LPP: variants seen among roughly 807,000 people sequenced by gnomAD.
LPP encodes the protein lipoma-preferred partner.
LPP carries 38 observed loss-of-function variants against 60.4 expected under a neutral mutation model. The observed-to-expected ratio is 0.63, with a 90% CI of 0.49 to 0.83. LPP has a LOEUF of 0.83. LPP is among the 40% of genes least tolerant of loss of function. LPP has a pLI of 0.00. For missense variants in LPP, 902 were observed against 783.6 expected, an observed-to-expected ratio of 1.15 and a Z score of -1.80; for synonymous variants, 328 against 290.8, an observed-to-expected ratio of 1.13 and a Z score of -1.30.
At chr3:188,483,615 G>C (rs1805439067) in intron 4 of LPP, among the ~76,000 whole-genome samples, 1 of 152,122 alleles carries the variant, frequency 6.6e-6, no homozygotes, top group African/African-American at 2.4e-5. Flanking sequence ...GAACCATAAA[G>C]CTCTTGGATA....
intron 1 of LPP, among the ~76,000 whole-genome samples, chr3:188,224,638 G>A (rs1454525402): frequency 6.6e-6 from 1 of 152,162 alleles, no homozygotes; most frequent in Non-Finnish European, 1.5e-5. Flanking sequence ...CTTCTGGGAA[G>A]ACCTCAGGGA....
At chr3:188,260,125 T>C (rs1180721082) in intron 2 of LPP, among the ~76,000 whole-genome samples, 2 of 151,990 alleles carry the variant, frequency 1.3e-5, no homozygotes, top group African/African-American at 4.8e-5. Context: ...CTGCAACCCC[T>C]GCCTCCCAGG....
At chr3:188,367,643 T>C (rs1771613186) in intron 3 of LPP, among the ~76,000 whole-genome samples, 2 of 152,238 alleles carry the variant, frequency 1.3e-5, no homozygotes, top group Non-Finnish European at 2.9e-5. Context: ...TCAGTTGTTA[T>C]ATTCATGGCA....
intron 7 of LPP, among the ~76,000 whole-genome samples, chr3:188,703,601 T>G (rs1376625138): frequency 3.3e-5 from 5 of 152,000 alleles, no homozygotes; most frequent in Admixed American, 3.3e-4. Context: ...ACTTCAGAAA[T>G]ACTGAAAGAA....
At chr3:188,410,040 T>A (rs1479646973) in intron 4 of LPP, among the ~76,000 whole-genome samples, 1 of 152,210 alleles carries the variant, frequency 6.6e-6, no homozygotes, top group Non-Finnish European at 1.5e-5. Context: ...ATGTGTTTTT[T>A]AATAGATTTG....
intron 8 of LPP, chr3:188,710,774 G>C (rs1009265646): frequency 6.6e-6 from 1 of 151,738 alleles, no homozygotes; most frequent in African/African-American, 2.4e-5. Context: ...AAAAAAAACT[G>C]AACATAGATG....
rs928435362 is a variant in LPP, at chr3:188,219,780, C to A, written c.-189-5625C>A. Among the ~76,000 whole-genome samples the A allele has an allele frequency of 3.3e-5, 5 of 152,172 alleles. No individual in the cohort carries two copies. In the East Asian group the frequency reaches 7.7e-4, roughly 23 times the overall value. On this transcript the variant is annotated intron_variant, in intron 1 of 11. Transcript: ENST00000617246. ...TTAAATCAAACACATTTCCTACCAACCCCCAGATATATCTTGCACTTTCTC... is the reference window on the plus strand; with the variant it reads ...TTAAATCAAACACATTTCCTACCAAACCCCAGATATATCTTGCACTTTCTC...
intron 3 of LPP, among the ~76,000 whole-genome samples, chr3:188,361,421 C>G (rs1022599786): frequency 6.7e-6 from 1 of 149,320 alleles, no homozygotes; most frequent in African/African-American, 2.5e-5. Context: ...TCTTTCATTC[C>G]CTTCCTTCCC....
At chr3:188,413,163 A>T (rs1157760747) in intron 4 of LPP, among the ~76,000 whole-genome samples, 2 of 152,098 alleles carry the variant, frequency 1.3e-5, no homozygotes, top group African/African-American at 2.4e-5. Context: ...ATGGATGTCC[A>T]CTTATGGCAT....
intron 2 of LPP, among the ~76,000 whole-genome samples, chr3:188,288,246 A>G (rs1343177944): frequency 6.6e-6 from 1 of 152,220 alleles, no homozygotes; most frequent in Non-Finnish European, 1.5e-5. Context: ...ATGGGAATAG[A>G]TTCCACTTGT....
At chr3:188,767,039 A>G (rs56098053) in intron 9 of LPP, among the ~76,000 whole-genome samples, 54,558 of 152,078 alleles carry the variant, frequency 0.36, 10,118 homozygotes, top group Middle Eastern at 0.44. Flanking sequence ...GAAAAAGAAT[A>G]TATGTCACCT....
At chr3:188,366,450 C>T (rs896612965) in intron 3 of LPP, among the ~76,000 whole-genome samples, 6 of 152,132 alleles carry the variant, frequency 3.9e-5, no homozygotes, top group African/African-American at 1.4e-4. Context: ...GAGGTTATGT[C>T]AGCGGTGTGC....
At chr3:188,330,244 T>A (rs1233138507) in intron 2 of LPP, among the ~76,000 whole-genome samples, 1 of 152,232 alleles carries the variant, frequency 6.6e-6, no homozygotes, top group African/African-American at 2.4e-5. Context: ...TTTAAATATG[T>A]CTCTTATGTT....
intron 9 of LPP, among the ~76,000 whole-genome samples, chr3:188,795,128 C>T (rs891603024): frequency 3.9e-5 from 6 of 151,900 alleles, no homozygotes; most frequent in African/African-American, 1.5e-4. Context: ...AGCAAAACTC[C>T]GTCTCAAAAA....
chr3:188,282,105 T>G (rs1387979784), intron 2 of LPP, among the ~76,000 whole-genome samples: 1 of 152,038 alleles, frequency 6.6e-6, no homozygotes, highest in Non-Finnish European at 1.5e-5. Context: ...GTTCGTCTCC[T>G]TTTCTCTCTC....
chr3:188,579,863 T>A (rs1411316571), intron 6 of LPP, among the ~76,000 whole-genome samples: 1 of 133,720 alleles, frequency 7.5e-6, no homozygotes, highest in Non-Finnish European at 1.6e-5. Flanking sequence ...TCAGCCACTC[T>A]CATTGGGGGT....
intron 6 of LPP, among the ~76,000 whole-genome samples, chr3:188,550,889 A>G (rs956901609): frequency 6.6e-6 from 1 of 152,156 alleles, no homozygotes; most frequent in Non-Finnish European, 1.5e-5. Flanking sequence ...CTACATTTTG[A>G]AACGTTAGTT....
At chr3:188,605,694 G>A (rs1341227823) in intron 6 of LPP, among the ~76,000 whole-genome samples, 1 of 152,106 alleles carries the variant, frequency 6.6e-6, no homozygotes, top group Non-Finnish European at 1.5e-5. Context: ...AGCGGCTATT[G>A]AGCAATATAT....
intron 7 of LPP, among the ~76,000 whole-genome samples, chr3:188,638,095 C>T (rs1481414210): frequency 2.0e-5 from 3 of 146,758 alleles, no homozygotes; most frequent in Admixed American, 6.9e-5. Context: ...CCTTGATGAA[C>T]ATTGATGCAA....
Sources: allele counts gnomAD v4.1 joint callset (sites outside exome capture counted in the v4.1 genomes callset), GRCh38; gene constraint gnomAD v4.1.1; transcripts MANE v1.5; gene names NCBI Gene and HGNC (gene_info 2026-07-23, HGNC 2026-07-21).